MAN1B1: variants seen among roughly 807,000 people sequenced by gnomAD.
MAN1B1 encodes the protein mannosidase alpha class 1B member 1.
MAN1B1 carries 66 observed loss-of-function variants against 75.5 expected under a neutral mutation model. That is an observed-to-expected ratio of 0.87 (90% CI 0.72 to 1.07). MAN1B1 has a LOEUF of 1.07. MAN1B1 is among the 50% of genes least tolerant of loss of function. The pLI is 0.00. For synonymous variants in MAN1B1, 453 were observed against 382.8 expected (o/e 1.18, Z -2.14); for missense variants, 973 against 912.5 (o/e 1.07, Z -0.85).
chr9:137,094,990 C>T (rs780611219), intron 3 of MAN1B1, among the ~76,000 whole-genome samples: 4 of 151,468 alleles, frequency 2.6e-5, no homozygotes, highest in Admixed American at 6.6e-5. Context: ...GAGTTCGAGA[C>T]CAGCCTGGCA....
chr9:137,089,036 CTG>C (rs768831171), intron 3 of MAN1B1, 31 bp downstream of exon 3: 1 of 1,613,528 alleles, frequency 6.2e-7, no homozygotes, highest in East Asian at 2.2e-5. Context: ...GGGGTTATAA[CTG>C]GGGTTCAATC....
intron 6 of MAN1B1, 71 bp from the exon 7 acceptor site, chr9:137,100,934 G>C (rs1161197422): frequency 1.1e-5 from 17 of 1,573,232 alleles, no homozygotes; most frequent in Non-Finnish European, 1.5e-5. Flanking sequence ...GTATTTTGAA[G>C]ATGGATAGAT....
At chr9:137,096,475 A>C in intron 4 of MAN1B1, 84 bp downstream of exon 4, 1 of 1,506,934 alleles carries the variant, frequency 6.6e-7, no homozygotes, top group South Asian at 1.2e-5. Flanking sequence ...ATTGTGTCTG[A>C]GATCTATTTT....
Position 137,099,888 on chromosome 9 carries a change from G to A in MAN1B1, c.916+7G>A. 1.2e-6 allele frequency: 2 copies of A among 1,614,086 alleles called. No homozygotes were observed. The highest frequency in any genetic ancestry group is 8.5e-7 in the Non-Finnish European group (1 of 1,180,030). Reference sequence around the variant, plus strand: ...ATCTTGGGTCTGAGGAAAGGTACCTGGTGCTTTCTGGGGAGGGGCTGAGCC... The same window carrying A: ...ATCTTGGGTCTGAGGAAAGGTACCTAGTGCTTTCTGGGGAGGGGCTGAGCC... On this transcript the variant is annotated splice_region_variant and intron_variant, in intron 6 of 12. Transcript: ENST00000371589.
chr9:137,109,021 C>CCT lies in MAN1B1; in HGVS notation c.*431_*432dup, dbSNP rs1564316143. The CCT allele has an allele frequency of 2.2e-6, 1 of 459,322 alleles. No individual in the cohort carries two copies. The highest frequency in any genetic ancestry group is 1.5e-5 in the South Asian group (1 of 64,568). 28.5% of individuals were successfully genotyped at this position (459,322 alleles called of 1,614,324 possible). On this transcript the variant is annotated 3_prime_UTR_variant, in exon 13 of 13. Transcript: ENST00000371589. ...GGAGGGGCTGCCGTGACTCCAGAGG[C>CCT]CTGAGGCTCCAGGGCTGGCTCTGGT...
chr9:137,109,116 C>T lies in MAN1B1; in HGVS notation c.*525C>T, dbSNP rs1307432899. 3 of 455,066 alleles carry T rather than the reference C, an allele frequency of 6.6e-6. No individual in the cohort carries two copies. Among genetic ancestry groups the T allele is most frequent in the East Asian group, 6.9e-5 (1 of 14,410 alleles). The allele number at this position is 455,066 out of a possible 1,614,324, so 28.2% of individuals were successfully genotyped here. A position where few individuals can be genotyped will look rare whatever the true frequency, so the allele number is the denominator to read the frequency against. Reference sequence around the variant, plus strand: ...GGCTTGGAGGGCTGGACGGCAAGTCCGTCTAGCTCACGGGCCCCTCCAGTG... The same window carrying T: ...GGCTTGGAGGGCTGGACGGCAAGTCTGTCTAGCTCACGGGCCCCTCCAGTG... On this transcript the variant is annotated 3_prime_UTR_variant, in exon 13 of 13. Coordinates refer to ENST00000371589, the MANE Select transcript of MAN1B1 (RefSeq NM_016219.5).
intron 3 of MAN1B1, among the ~76,000 whole-genome samples, chr9:137,091,641 C>G (rs1201650128): frequency 2.0e-5 from 3 of 150,556 alleles, no homozygotes; most frequent in African/African-American, 4.9e-5. Context: ...ATTCTCCTGC[C>G]TTGGCCTCCT....
Position 137,088,171 on chromosome 9 carries a change from G to T in MAN1B1, c.316G>T (p.Asp106Tyr). The stretch of plus-strand genomic sequence containing the variant: ...ACTCCTCTTCTACATCAACTTGGCT[G>T]ACCATTGGAAAGGTATCAGAAACAC... ...CGLLFYINLA[D>Y]HWKALAFRLE... The change falls in exon 2 of 13, where the codon GAC becomes TAC. Residue 106 changes from aspartate (D) to tyrosine (Y), a missense_variant. Physicochemically the swap from Asp to Tyr is radical, Grantham distance 160. Transcript: ENST00000371589. 1 of 1,614,156 alleles carries T rather than the reference G, an allele frequency of 6.2e-7. No individual in the cohort carries two copies. The highest frequency in any genetic ancestry group is 8.5e-7 in the Non-Finnish European group (1 of 1,180,026).
chr9:137,095,202 C>T (rs1032315348), intron 3 of MAN1B1, among the ~76,000 whole-genome samples: 101 of 151,912 alleles, frequency 6.6e-4, no homozygotes, highest in African/African-American at 1.7e-3. Context: ...TACAGGCGTG[C>T]GCCACCACGC....
At chr9:137,091,528 T>A (rs555174248) in intron 3 of MAN1B1, among the ~76,000 whole-genome samples, 10,676 of 144,640 alleles carry the variant, frequency 0.074, 1,223 homozygotes, top group African/African-American at 0.25. Context: ...TATATTTTTT[T>A]TTTTTTTTTT....
rs201813871 is a variant in MAN1B1 at position 137,089,040 on chromosome 9, G to A, written c.465+35G>A. On this transcript the variant is annotated intron_variant, in intron 3 of 12. Coordinates refer to ENST00000371589, the MANE Select transcript of MAN1B1 (RefSeq NM_016219.5). ...GCAAATGGTGTGGGGTTATAACTGGGGTTCAATCCAGAGGCATTTCAAACC... is the reference window on the plus strand; with the variant it reads ...GCAAATGGTGTGGGGTTATAACTGGAGTTCAATCCAGAGGCATTTCAAACC... 32 of 1,613,330 alleles carry A rather than the reference G, an allele frequency of 2.0e-5. No individual in the cohort carries two copies. The East Asian group carries it at 5.3e-4, about 27-fold the overall frequency.
At chr9:137,097,969 G>A (rs1236199080) in intron 5 of MAN1B1, 32 bp downstream of exon 5, 1 of 1,500,082 alleles carries the variant, frequency 6.7e-7, no homozygotes, top group Admixed American at 2.0e-5. Context: ...TTCCTCCCCG[G>A]GCGCTCAGGG....
intron 8 of MAN1B1, 154 bp from the exon 9 acceptor site, chr9:137,105,971 G>A: frequency 2.8e-6 from 2 of 719,470 alleles, no homozygotes; most frequent in South Asian, 1.5e-5. Context: ...GGAGCCATGT[G>A]GGCAAGGACA....
intron 1 of MAN1B1, among the ~76,000 whole-genome samples, 161 bp from the exon 2 acceptor site, chr9:137,087,914 T>C (rs1001404596): frequency 6.6e-6 from 1 of 151,754 alleles, no homozygotes; most frequent in Admixed American, 6.6e-5. Context: ...CACTCCAGCC[T>C]AGGTGTAACA....
At chr9:137,092,608 G>A (rs1432257422) in intron 3 of MAN1B1, among the ~76,000 whole-genome samples, 3 of 152,062 alleles carry the variant, frequency 2.0e-5, no homozygotes, top group Non-Finnish European at 4.4e-5. Flanking sequence ...CATTACATCC[G>A]TTGTACGTAA....
chr9:137,107,152 G>A (rs901523018), intron 10 of MAN1B1, 98 bp from the exon 11 acceptor site: 5 of 1,333,988 alleles, frequency 3.7e-6, no homozygotes, highest in Non-Finnish European at 5.2e-6. Flanking sequence ...AGGGTACCAG[G>A]GCCGAGGCAG....
Position 137,087,104 on chromosome 9 carries a change from A to G in MAN1B1, c.105A>G (p.Val35=), listed in dbSNP as rs1294126445. The change falls in exon 1 of 13, where the codon GTA becomes GTG. Residue 35 remains valine, a synonymous_variant. Transcript: ENST00000371589. ...CCCCTTGGGCCGTCGCCACCACTGT[A>G]GTCATGTACCCACCGCCGCCGCCGC... The part of the protein sequence containing the change: ...GGAPWAVATT[V]VMYPPPPPPP... The G allele has an allele frequency of 3.1e-6, 5 of 1,597,178 alleles. No individual in the cohort carries two copies. The highest frequency in any genetic ancestry group is 2.7e-5 in the African/African-American group (2 of 74,636).
intron 1 of MAN1B1, 132 bp from the exon 2 acceptor site, chr9:137,087,942 CA>C (rs200935172): frequency 0.06 from 31,275 of 521,916 alleles, no homozygotes; most frequent in South Asian, 0.068. Context: ...ACCCTGTTTC[CA>C]AAAAAAAAAA....
In MAN1B1 at chr9:137,101,104, T is replaced by A. The variant is rs746478083; in HGVS notation, c.1016T>A (p.Leu339His). ...FESTIRILGG[L>H]LSAYHLSGDS... ...AGCACGATCCGCATCCTGGGGGGGC[T>A]CCTGAGTGCCTACCACCTGTCTGGG... Residue 339 changes from leucine (L) to histidine (H), a missense_variant, in exon 7 of 13, where the codon CTC becomes CAC. Transcript: ENST00000371589. The A allele has an allele frequency of 6.2e-7, 1 of 1,614,084 alleles. No individual in the cohort carries two copies. Among genetic ancestry groups the A allele is most frequent in the Non-Finnish European group, 8.5e-7 (1 of 1,180,014 alleles).
Sources: gnomAD v4.1 joint callset for allele counts (sites outside exome capture counted in the v4.1 genomes callset) on GRCh38, gnomAD v4.1.1 for gene constraint, MANE v1.5 for transcripts, NCBI Gene and HGNC (gene_info 2026-07-23, HGNC 2026-07-21) for gene names.